The following CAST variants were observed in gnomAD, a reference collection of about 807,000 sequenced individuals.
CAST encodes calpastatin, also known as MIR583 host.
A neutral mutation model predicts 119.6 loss-of-function variants in CAST; 76 were observed. The ratio of observed to expected loss-of-function variants is 0.64; its 90% CI spans 0.53 to 0.77. CAST has a LOEUF of 0.77. Ranked by LOEUF, CAST falls within the 30% of genes least tolerant of loss-of-function variation. CAST has a pLI of 0.00. For synonymous variants in CAST, 319 were observed against 331.6 expected, an observed-to-expected ratio of 0.96 and a Z score of 0.41; for missense variants, 953 against 946.5, an observed-to-expected ratio of 1.01 and a Z score of -0.09.
intron 2 of CAST, among the ~76,000 whole-genome samples, chr5:96,687,694 A>G (rs1487887134): frequency 6.6e-6 from 1 of 152,230 alleles, no homozygotes; most frequent in Non-Finnish European, 1.5e-5. Context: ...CTAGAAATAT[A>G]TCATTCTAAA....
At chr5:96,278,655 C>T in the CAST span, 5 of 152,256 alleles carry the variant, frequency 3.3e-5, no homozygotes, top group South Asian at 2.1e-4. Flanking sequence ...CCCCTGCCTA[C>T]GAAAGACAGC....
the CAST span, among the ~76,000 whole-genome samples, chr5:96,276,179 C>T: frequency 6.6e-6 from 1 of 152,078 alleles, no homozygotes; most frequent in Admixed American, 6.6e-5. Flanking sequence ...ATGATAGGGC[C>T]TGATTTTCTC....
the CAST span, among the ~76,000 whole-genome samples, chr5:96,355,192 C>T: frequency 2.0e-5 from 3 of 151,802 alleles, no homozygotes; most frequent in South Asian, 2.1e-4. Flanking sequence ...CCCCCCACCC[C>T]CTGACAGGCC....
the CAST span, among the ~76,000 whole-genome samples, chr5:96,085,850 A>C: frequency 1.3e-5 from 2 of 152,300 alleles, no homozygotes; most frequent in Admixed American, 6.5e-5. Flanking sequence ...TAACATCCAT[A>C]TCTTGTCCAG....
At chr5:96,302,171 C>T in the CAST span, among the ~76,000 whole-genome samples, 1,407 of 152,304 alleles carry the variant, frequency 9.2e-3, 26 homozygotes, top group African/African-American at 0.033. Flanking sequence ...CCCTCTGGAG[C>T]AGTGGCCTGA....
the CAST span, among the ~76,000 whole-genome samples, chr5:95,971,807 A>T: frequency 1.1e-3 from 164 of 152,218 alleles, 2 homozygotes; most frequent in South Asian, 0.033. Context: ...TTATTGCTCA[A>T]TACTATTCCA....
chr5:96,099,292 C>T, the CAST span, among the ~76,000 whole-genome samples: 190 of 152,240 alleles, frequency 1.2e-3, no homozygotes, highest in African/African-American at 4.5e-3. Flanking sequence ...GACTTCCTCT[C>T]TTCCTGTTTG....
At chr5:95,961,895 A>C in the CAST span, 25 of 720,198 alleles carry the variant, frequency 3.5e-5, no homozygotes, top group African/African-American at 1.3e-4. Context: ...CACCCGCCCC[A>C]CCCTCCGGCC....
the CAST span, among the ~76,000 whole-genome samples, chr5:96,032,162 G>A: frequency 2.0e-5 from 3 of 152,112 alleles, no homozygotes; most frequent in Non-Finnish European, 4.4e-5. Context: ...AGGACAAATA[G>A]CAGAGCATGA....
chr5:96,171,218 C>G, the CAST span, among the ~76,000 whole-genome samples: 1 of 152,138 alleles, frequency 6.6e-6, no homozygotes, highest in Non-Finnish European at 1.5e-5. Flanking sequence ...TCGAAAGTGC[C>G]ATTTTCTGGC....
chr5:96,467,059 T>C, the CAST span, among the ~76,000 whole-genome samples: 1 of 152,176 alleles, frequency 6.6e-6, no homozygotes, highest in Non-Finnish European at 1.5e-5. Context: ...CTCAATGTTT[T>C]AATATTTATT....
At chr5:96,378,917 T>C in the CAST span, among the ~76,000 whole-genome samples, 1 of 152,304 alleles carries the variant, frequency 6.6e-6, no homozygotes, top group South Asian at 2.1e-4. Context: ...TAAGTAAATA[T>C]ATATTCTACT....
At chr5:96,040,701 C>G in the CAST span, among the ~76,000 whole-genome samples, 36 of 152,124 alleles carry the variant, frequency 2.4e-4, no homozygotes, top group Non-Finnish European at 2.6e-4. Context: ...GTTGAACCAG[C>G]CTTGCATCCC....
chr5:96,051,942 A>G, the CAST span, among the ~76,000 whole-genome samples: 2 of 152,296 alleles, frequency 1.3e-5, no homozygotes, highest in African/African-American at 2.4e-5. Flanking sequence ...ATAATAGTAC[A>G]ATACCATTTT....
At chr5:96,027,278 T>G in the CAST span, among the ~76,000 whole-genome samples, 1 of 152,104 alleles carries the variant, frequency 6.6e-6, no homozygotes, top group African/African-American at 2.4e-5. Flanking sequence ...TAGATGGACA[T>G]TGATTACTGG....
the CAST span, among the ~76,000 whole-genome samples, chr5:95,983,239 G>T: frequency 2.1e-3 from 322 of 152,348 alleles, 2 homozygotes; most frequent in African/African-American, 7.3e-3. Context: ...GTGAGAGGGG[G>T]TAGTGATTAG....
chr5:96,226,832 A>T, the CAST span, among the ~76,000 whole-genome samples: 13 of 152,144 alleles, frequency 8.5e-5, no homozygotes, highest in Admixed American at 1.3e-4. Flanking sequence ...CTGTCATGAC[A>T]TTTTTAGAAA....
intron 31 of CAST, 114 bp from the exon 32 acceptor site, chr5:96,772,526 A>G (rs1411874152): frequency 6.5e-6 from 1 of 152,760 alleles, no homozygotes; most frequent in Non-Finnish European, 1.5e-5. Context: ...TACTTATAGG[A>G]AATTCCTTCT....
Position 96,712,556 on chromosome 5 carries a change from T to G in CAST, c.211-10083T>G, listed in dbSNP as rs116954170. Among the ~76,000 whole-genome samples the G allele has an allele frequency of 3.1e-4, 47 of 152,320 alleles. 1 individual carries two copies. The East Asian group carries it at 9.1e-3, about 29-fold the overall frequency. ...GCTGCCCAGGCTGGTCTCTAACTCC[T>G]GGGCTCAATCAATCCTCCCACCTGA... is the stretch of plus-strand genomic sequence containing the variant. On this transcript the variant is annotated intron_variant, in intron 3 of 31. Transcript: ENST00000675179.
Sources: allele counts gnomAD v4.1 joint callset (sites outside exome capture counted in the v4.1 genomes callset), GRCh38; gene constraint gnomAD v4.1.1; transcripts MANE v1.5; gene names NCBI Gene and HGNC (gene_info 2026-07-23, HGNC 2026-07-21).